Variants in KCNAB2 observed in about 807,000 individuals in gnomAD.
KCNAB2 encodes the protein potassium voltage-gated channel subfamily A regulatory beta subunit 2.
A neutral mutation model predicts 63.6 loss-of-function variants in KCNAB2; 29 were observed. That is an observed-to-expected ratio of 0.46 (90% confidence interval 0.34 to 0.62). The LOEUF (loss-of-function observed/expected upper bound fraction) is 0.62, where lower values mean the gene tolerates loss of function less well. Ranked by LOEUF, KCNAB2 falls within the 20% of genes least tolerant of loss-of-function variation. KCNAB2 has a pLI of 0.01. For missense variants in KCNAB2, 359 were observed against 563.9 expected (o/e 0.64, Z 3.68); for synonymous variants, 222 against 224.2 (o/e 0.99, Z 0.09).
chr1:6,007,910 C>T (rs527936289), intron 1 of KCNAB2, among the ~76,000 whole-genome samples: 27 of 152,172 alleles, frequency 1.8e-4, no homozygotes, highest in Non-Finnish European at 2.9e-4. Context: ...CAGCTGCAGC[C>T]GCAGCCCTGA....
At chr1:6,062,835 A>G (rs954865690) in intron 2 of KCNAB2, among the ~76,000 whole-genome samples, 1 of 152,150 alleles carries the variant, frequency 6.6e-6, no homozygotes, top group African/African-American at 2.4e-5. Flanking sequence ...GTGCCATACA[A>G]TTCATTTAAT....
intron 8 of KCNAB2, 30 bp from the exon 9 acceptor site, chr1:6,090,359 G>A (rs1665080449): frequency 6.5e-7 from 1 of 1,550,064 alleles, no homozygotes; most frequent in Non-Finnish European, 8.9e-7. Context: ...AGCCACAGCA[G>A]TGACGCCCCC....
chr1:6,046,424 G>C (rs1043090893), intron 1 of KCNAB2, among the ~76,000 whole-genome samples: 1 of 152,288 alleles, frequency 6.6e-6, no homozygotes, highest in Admixed American at 6.5e-5. Context: ...AGCACCTCTC[G>C]CTTGAGTCTG....
At chr1:6,080,987 T>G (rs1248365909) in intron 4 of KCNAB2, among the ~76,000 whole-genome samples, 2 of 152,130 alleles carry the variant, frequency 1.3e-5, no homozygotes, top group Non-Finnish European at 2.9e-5. Flanking sequence ...AGCGTGACAC[T>G]CAGAGGGAAG....
In KCNAB2 at chr1:6,089,072, C is replaced by T; in HGVS notation, c.514+21C>T. On this transcript the variant is annotated intron_variant, in intron 8 of 15. Coordinates refer to ENST00000378083, the MANE Select transcript of KCNAB2 (RefSeq NM_001199862.2). Reference sequence around the variant, plus strand: ...CGAAGGTGAGGACGCGCTCGGGCACCTCAGGGCCCCCATACCTGTGGGATC... The same window carrying T: ...CGAAGGTGAGGACGCGCTCGGGCACTTCAGGGCCCCCATACCTGTGGGATC... 7 of 1,546,848 alleles carry T rather than the reference C, an allele frequency of 4.5e-6. No homozygotes were observed. In the South Asian group the frequency reaches 7.2e-5, roughly 16 times the overall value.
intron 2 of KCNAB2, among the ~76,000 whole-genome samples, chr1:6,068,294 C>T (rs1662919670): frequency 1.3e-5 from 2 of 152,328 alleles, no homozygotes; most frequent in South Asian, 2.1e-4. Flanking sequence ...CACACACGTG[C>T]GTGCTGGAGG....
intron 1 of KCNAB2, among the ~76,000 whole-genome samples, chr1:6,001,437 G>C (rs985991517): frequency 6.6e-6 from 1 of 152,200 alleles, no homozygotes; most frequent in Non-Finnish European, 1.5e-5. Context: ...GTGCCACTGG[G>C]AGGGATGCCT....
upstream of KCNAB2, among the ~76,000 whole-genome samples, chr1:6,044,061 G>C (rs554136287): frequency 1.3e-5 from 2 of 152,306 alleles, no homozygotes; most frequent in African/African-American, 4.8e-5. Context: ...AACATGCAGG[G>C]TCTCTTACGG....
rs1664839886 is a variant in KCNAB2, at chr1:6,087,928, C to T, written c.470+417C>T. Among the ~76,000 whole-genome samples, 1 of 152,220 alleles carries T rather than the reference C, an allele frequency of 6.6e-6. No homozygotes were observed. The highest frequency in any genetic ancestry group is 2.4e-5 in the African/African-American group (1 of 41,450). ...CCAAACCCCCAAAGCACTCCAAATTCCCTGGGCCGCCTGTCACCCCTGCAG... is the reference window on the plus strand; with the variant it reads ...CCAAACCCCCAAAGCACTCCAAATTTCCTGGGCCGCCTGTCACCCCTGCAG... On this transcript the variant is annotated intron_variant, in intron 7 of 15. Coordinates refer to ENST00000378083, the MANE Select transcript of KCNAB2 (RefSeq NM_001199862.2). The surrounding 1 kb of genome is among the most constrained non-coding windows in gnomAD (Gnocchi z 6.4).
rs1176094318 is a variant in KCNAB2 at position 6,096,770 on chromosome 1, C to T, written c.1069+14C>T. ...AGCTGGCCATAGGTAACGGTGGGGTCGCCATGGGGCCAGTGCCCCTGGGGA... is the reference window on the plus strand; with the variant it reads ...AGCTGGCCATAGGTAACGGTGGGGTTGCCATGGGGCCAGTGCCCCTGGGGA... On this transcript the variant is annotated intron_variant, in intron 14 of 15. Transcript: ENST00000378083. This position sits in a 1 kb window ranked among gnomAD's most constrained non-coding sequence, Gnocchi z 5.9. 91 of 1,558,908 alleles carry T rather than the reference C, an allele frequency of 5.8e-5. No individual in the cohort carries two copies. Among genetic ancestry groups the T allele is most frequent in the Non-Finnish European group, 7.8e-5 (90 of 1,150,004 alleles).
chr1:6,022,159 A>G (rs576439497), intron 1 of KCNAB2, among the ~76,000 whole-genome samples: 1 of 151,816 alleles, frequency 6.6e-6, no homozygotes, highest in South Asian at 2.1e-4. Flanking sequence ...TGTACAGTTC[A>G]GTGGTATTGA....
intron 1 of KCNAB2, among the ~76,000 whole-genome samples, chr1:6,020,191 A>C (rs1475008283): frequency 1.3e-5 from 2 of 152,170 alleles, no homozygotes; most frequent in Non-Finnish European, 2.9e-5. Flanking sequence ...CAGAGGAATG[A>C]AGTTACATCA....
intron 1 of KCNAB2, among the ~76,000 whole-genome samples, chr1:6,005,422 T>TGGGGGGAA (rs1557922510): frequency 2.3e-5 from 1 of 42,962 alleles, no homozygotes; most frequent in East Asian, 6.6e-4. Context: ...GGGGGTGGAG[T>TGGGGGGAA]TGTGGGTTGT....
chr1:6,053,202 G>A (rs1661533544), intron 2 of KCNAB2, among the ~76,000 whole-genome samples: 1 of 152,102 alleles, frequency 6.6e-6, no homozygotes, highest in Non-Finnish European at 1.5e-5. Flanking sequence ...TTGTTCTGCT[G>A]GAAATTTCTC....
rs80278227 is a variant in KCNAB2, at chr1:6,096,167, C to T, written c.949-469C>T. ...CCCACAGCCCTGGGTTCCAGGGCAA[C>T]GTGGCCTGGCCCCCGACTCCTCCCA... is the stretch of plus-strand genomic sequence containing the variant. On this transcript the variant is annotated intron_variant, in intron 13 of 15. Coordinates refer to ENST00000378083, the MANE Select transcript of KCNAB2 (RefSeq NM_001199862.2). The surrounding 1 kb of genome is among the most constrained non-coding windows in gnomAD (Gnocchi z 5.9). The T allele has an allele frequency of 8.7e-3, 3,988 of 457,474 alleles. 43 individuals are homozygous for T. The highest frequency in any genetic ancestry group is 0.013 in the Non-Finnish European group (2,951 of 227,898). The allele number at this position is 457,474 out of a possible 1,614,324, so 28.3% of individuals were successfully genotyped here.
At chr1:6,064,064 C>A (rs1382300111) in intron 2 of KCNAB2, among the ~76,000 whole-genome samples, 6 of 152,172 alleles carry the variant, frequency 3.9e-5, no homozygotes, top group Admixed American at 3.9e-4. Context: ...CCGATGTTGC[C>A]AGCCTTTGTG....
intron 1 of KCNAB2, among the ~76,000 whole-genome samples, chr1:6,025,827 G>T (rs771842401): frequency 1.3e-5 from 2 of 152,078 alleles, no homozygotes; most frequent in South Asian, 2.1e-4. Context: ...GTAAAAGGTG[G>T]GCAGCCCACC....
At chr1:6,072,885 C>T in intron 3 of KCNAB2, 87 bp downstream of exon 3, 1 of 1,321,742 alleles carries the variant, frequency 7.6e-7, no homozygotes, top group South Asian at 1.3e-5. Context: ...CCTTGGGAGG[C>T]AGGGTGGCCC....
At position 6,086,366 on chromosome 1, in the gene KCNAB2, A is replaced by G. The variant is rs1664696770; in HGVS notation, c.426-1101A>G. 1.0e-6 allele frequency: 1 copy of G among 985,188 alleles called. No individual in the cohort carries two copies. Among genetic ancestry groups the G allele is most frequent in the Non-Finnish European group, 1.2e-6 (1 of 829,928 alleles). The allele number at this position is 985,188 out of a possible 1,614,324, so 61.0% of individuals were successfully genotyped here. On this transcript the variant is annotated intron_variant, in intron 6 of 15. Coordinates refer to ENST00000378083, the MANE Select transcript of KCNAB2 (RefSeq NM_001199862.2). The surrounding 1 kb of genome is among the most constrained non-coding windows in gnomAD (Gnocchi z 4.2). ...GTAATTAAACGAAATTGCACGTATT[A>G]GCAAATCCCCTGATCACGTCTTTGG... is the stretch of plus-strand genomic sequence containing the variant.
Sources: gnomAD v4.1 joint callset for allele counts (sites outside exome capture counted in the v4.1 genomes callset) on GRCh38, gnomAD v4.1.1 for gene constraint, Gnocchi (gnomAD v3.1) non-coding constraint, MANE v1.5 for transcripts, NCBI Gene and HGNC (gene_info 2026-07-23, HGNC 2026-07-21) for gene names.